CLASP1: variants seen among roughly 807,000 people sequenced by gnomAD.
CLASP1 encodes cytoplasmic linker associated protein 1, also known as CLIP-associating protein 1.
In CLASP1, 38 loss-of-function variants were observed where a neutral mutation model predicts 192.3. The observed-to-expected ratio is 0.20, with a 90% CI of 0.15 to 0.26. CLASP1 has a LOEUF of 0.26. Ranked by LOEUF, CLASP1 falls within the 10% of genes least tolerant of loss-of-function variation. The pLI, the probability that CLASP1 is intolerant of heterozygous loss-of-function variation, is 1.00. For missense variants in CLASP1, 1,433 were observed against 1,932.5 expected (o/e 0.74, Z 4.85); for synonymous variants, 691 against 712.8 (o/e 0.97, Z 0.49).
intron 2 of CLASP1, among the ~76,000 whole-genome samples, chr2:121,578,362 T>C (rs1215255156): frequency 7.1e-6 from 1 of 139,926 alleles, no homozygotes; most frequent in East Asian, 2.1e-4. Flanking sequence ...TTTGAGGCTG[T>C]AGTGAGATAT....
intron 34 of CLASP1, among the ~76,000 whole-genome samples, chr2:121,374,322 T>C (rs1573986186): frequency 6.6e-6 from 1 of 152,206 alleles, no homozygotes; most frequent in Non-Finnish European, 1.5e-5. Flanking sequence ...AGCCTCTACC[T>C]AGATTTTAGA....
rs544956114 is a variant in CLASP1 at position 121,575,198 on chromosome 2, G to A, written c.195+30503C>T. Among the ~76,000 whole-genome samples the A allele has an allele frequency of 1.1e-4, 17 of 151,586 alleles. No individual in the cohort carries two copies. In the South Asian group the frequency reaches 1.3e-3, roughly 11 times the overall value. Reference sequence around the variant, plus strand: ...GCGATCTCGGCTCACTGCAACCTCCGCCTCCCAGGTTCAAGCAATTCTCCT... The same window carrying A: ...GCGATCTCGGCTCACTGCAACCTCCACCTCCCAGGTTCAAGCAATTCTCCT... On this transcript the variant is annotated intron_variant, in intron 2 of 39. Coordinates refer to ENST00000263710, the Ensembl canonical transcript of CLASP1.
At chr2:121,452,016 A>C (rs2149804955) in intron 14 of CLASP1, among the ~76,000 whole-genome samples, 167 bp from the exon 15 acceptor site, 1 of 152,324 alleles carries the variant, frequency 6.6e-6, no homozygotes, top group African/African-American at 2.4e-5. Context: ...CTGACTAAAA[A>C]CCAAAGCAAA....
intron 2 of CLASP1, among the ~76,000 whole-genome samples, chr2:121,588,300 G>A (rs1029614130): frequency 1.3e-5 from 2 of 151,428 alleles, no homozygotes; most frequent in Non-Finnish European, 2.9e-5. Flanking sequence ...AAGTCTTAAA[G>A]CAGAATATAA....
intron 6 of CLASP1, among the ~76,000 whole-genome samples, chr2:121,518,353 C>T (rs930903591): frequency 6.6e-6 from 1 of 150,916 alleles, no homozygotes; most frequent in Admixed American, 6.6e-5. Context: ...GGTACACACA[C>T]AGAAGAGGTC....
At position 121,457,760 on chromosome 2, in the gene CLASP1, G is replaced by A; in HGVS notation, c.1315-3C>T. 2 of 1,608,514 alleles carry A rather than the reference G, an allele frequency of 1.2e-6. No individual in the cohort carries two copies. The highest frequency in any genetic ancestry group is 1.3e-5 in the African/African-American group (1 of 74,820). ...ATTAACCTAGGGATGTGTGTGTGCTGTGAAGAACAACAAAAAACAGAGGTC... is the reference window on the plus strand; with the variant it reads ...ATTAACCTAGGGATGTGTGTGTGCTATGAAGAACAACAAAAAACAGAGGTC... On this transcript the variant is annotated splice_polypyrimidine_tract_variant and splice_region_variant and intron_variant, in intron 13 of 39. Coordinates refer to ENST00000263710, the Ensembl canonical transcript of CLASP1.
intron 2 of CLASP1, among the ~76,000 whole-genome samples, chr2:121,576,475 C>A (rs2060530823): frequency 6.6e-6 from 1 of 152,100 alleles, no homozygotes; most frequent in Non-Finnish European, 1.5e-5. Flanking sequence ...GTGTTCGAAG[C>A]CTGACAAGAT....
At chr2:121,598,854 T>C (rs928561564) in intron 2 of CLASP1, among the ~76,000 whole-genome samples, 6 of 152,180 alleles carry the variant, frequency 3.9e-5, no homozygotes, top group Admixed American at 2.6e-4. Flanking sequence ...CCAACGTTTT[T>C]ATTTTTATTT....
chr2:121,485,778 C>T (rs1206254442), intron 8 of CLASP1, among the ~76,000 whole-genome samples: 1 of 152,194 alleles, frequency 6.6e-6, no homozygotes, highest in Non-Finnish European at 1.5e-5. Context: ...TGGTCCACCA[C>T]ACCAGCTCAC....
At chr2:121,358,615 G>A (rs953467529) in intron 37 of CLASP1, among the ~76,000 whole-genome samples, 2 of 152,222 alleles carry the variant, frequency 1.3e-5, no homozygotes, top group African/African-American at 4.8e-5. Context: ...CTGGCTGGGC[G>A]AATCAGAAAC....
chr2:121,523,404 A>G (rs1363026400), intron 6 of CLASP1, among the ~76,000 whole-genome samples: 2 of 152,182 alleles, frequency 1.3e-5, no homozygotes, highest in Non-Finnish European at 2.9e-5. Flanking sequence ...CTAAAGGAGA[A>G]AAATAGTATC....
intron 8 of CLASP1, among the ~76,000 whole-genome samples, chr2:121,478,958 A>C (rs1575285182): frequency 2.4e-5 from 1 of 41,676 alleles, no homozygotes; most frequent in Admixed American, 2.8e-4. Context: ...CACCACACAC[A>C]CACACCACAC....
At chr2:121,646,384 A>G (rs922750900) in intron 1 of CLASP1, among the ~76,000 whole-genome samples, 1 of 152,224 alleles carries the variant, frequency 6.6e-6, no homozygotes, top group Non-Finnish European at 1.5e-5. Context: ...CTAGCATTAC[A>G]GATGTAAGCC....
chr2:121,571,383 G>A (rs1355542119), intron 2 of CLASP1, among the ~76,000 whole-genome samples: 1 of 152,000 alleles, frequency 6.6e-6, no homozygotes, highest in Non-Finnish European at 1.5e-5. Flanking sequence ...TGGTAGAGAT[G>A]GGCTTTCACC....
chr2:121,478,880 A>C (rs1575279865), intron 8 of CLASP1, among the ~76,000 whole-genome samples: 1 of 44,036 alleles, frequency 2.3e-5, no homozygotes, highest in Non-Finnish European at 4.1e-5. Context: ...ACCACACCAC[A>C]CACACACCAC....
At position 121,338,653 on chromosome 2, in the gene CLASP1, G is replaced by A. The variant is rs1403933369; in HGVS notation, c.*2208C>T. ...GCGGCGGCAGCAGTTTTCAGATTGA[G>A]GCCAAGAGACCTGTGACGTGATTGT... On this transcript the variant is annotated 3_prime_UTR_variant, in exon 40 of 40. Transcript: ENST00000263710. The A allele has an allele frequency of 1.1e-4, 16 of 152,288 alleles. 1 individual carries two copies. Among genetic ancestry groups the A allele is most frequent in the Admixed American group, 1.0e-3 (16 of 15,280 alleles). 9.4% of individuals were successfully genotyped at this position (152,288 alleles called of 1,614,324 possible).
Position 121,573,613 on chromosome 2 carries a change from G to A in CLASP1, c.195+32088C>T, listed in dbSNP as rs571583799. On this transcript the variant is annotated intron_variant, in intron 2 of 39. Coordinates refer to ENST00000263710, the Ensembl canonical transcript of CLASP1. ...AATTAGGAGACTTTTCAGTTCAAAA[G>A]CCAATAGACACACAATTTAAGTACA... Among the ~76,000 whole-genome samples the A allele has an allele frequency of 2.0e-5, 3 of 152,222 alleles. No homozygotes were observed. In the South Asian group the frequency reaches 6.2e-4, roughly 32 times the overall value.
intron 2 of CLASP1, among the ~76,000 whole-genome samples, chr2:121,566,016 T>C (rs542865697): frequency 1.2e-4 from 19 of 152,344 alleles, no homozygotes; most frequent in South Asian, 4.1e-4. Flanking sequence ...CAGCAGGAGC[T>C]AGCACTGGGC....
chr2:121,352,113 T>C (rs1189348231), intron 37 of CLASP1, among the ~76,000 whole-genome samples: 2 of 152,220 alleles, frequency 1.3e-5, no homozygotes. Context: ...GGCAGGGACC[T>C]GCTACCTGAT....
Sources: allele counts gnomAD v4.1 joint callset (sites outside exome capture counted in the v4.1 genomes callset), GRCh38; gene constraint gnomAD v4.1.1; transcripts MANE v1.5; gene names NCBI Gene and HGNC (gene_info 2026-07-23, HGNC 2026-07-21).